The following KIAA1671 variants were observed in gnomAD, a reference collection of about 807,000 sequenced individuals.
KIAA1671 encodes the protein KIAA1671.
In KIAA1671, 52 loss-of-function variants were observed where a neutral mutation model predicts 131.2. The observed-to-expected ratio is 0.40, with a 90% CI of 0.32 to 0.50. The LOEUF is 0.50. Among genes scored for constraint, KIAA1671 ranks in the 20% least tolerant of loss-of-function variants. The pLI is 0.73. For synonymous variants in KIAA1671, 1,003 were observed against 961.6 expected (o/e 1.04, Z -0.80); for missense variants, 2,360 against 2,364.2 (o/e 1.00, Z 0.04).
chr22:25,113,230 C>T (rs1364565826), intron 6 of KIAA1671, among the ~76,000 whole-genome samples: 2 of 152,140 alleles, frequency 1.3e-5, no homozygotes, highest in African/African-American at 2.4e-5. Flanking sequence ...AGCCAGGTCC[C>T]GAACCCCAGG....
At position 25,003,163 on chromosome 22, in the gene KIAA1671, G is replaced by T. The variant is rs202176892; in HGVS notation, c.-207-22470G>T. On this transcript the variant is annotated intron_variant, in intron 1 of 12. Coordinates refer to ENST00000358431, the MANE Select transcript of KIAA1671 (RefSeq NM_001145206.2). ...AACACAGTAAAGGAATCAAGAGAGTGGGCTTCATGGTCTTAGTGTCTCTGA... is the reference window on the plus strand; with the variant it reads ...AACACAGTAAAGGAATCAAGAGAGTTGGCTTCATGGTCTTAGTGTCTCTGA... 5.9e-5 allele frequency among the ~76,000 whole-genome samples: 9 copies of T among 152,190 alleles called. No homozygotes were observed. The East Asian group carries it at 9.6e-4, about 16-fold the overall frequency.
At chr22:25,175,168 C>G (rs1933978911) in intron 8 of KIAA1671, 1 of 152,260 alleles carries the variant, frequency 6.6e-6, no homozygotes, top group Non-Finnish European at 1.5e-5. Flanking sequence ...GGGAGCCCCA[C>G]CTCCAGGGGT....
At chr22:25,148,802 G>GT (rs886984862) in intron 6 of KIAA1671, among the ~76,000 whole-genome samples, 1 of 152,142 alleles carries the variant, frequency 6.6e-6, no homozygotes, top group African/African-American at 2.4e-5. Flanking sequence ...TCTCGCTCCC[G>GT]TAAGTGCTCT....
chr22:25,029,146 C>A lies in KIAA1671; in HGVS notation c.1147C>A (p.Gln383Lys). The change falls in exon 3 of 13, where the codon CAG becomes AAG. Residue 383 changes from glutamine to lysine, a missense_variant. Transcript: ENST00000358431. ...GSSGVTPSND[Q>K]SPWEEKAKLD... ...ATCTGGGGTCACCCCCAGCAATGAC[C>A]AGAGTCCCTGGGAAGAAAAGGCCAA... 6.9e-7 allele frequency: 1 copy of A among 1,456,746 alleles called. No homozygotes were observed. The highest frequency in any genetic ancestry group is 9.1e-7 in the Non-Finnish European group (1 of 1,102,112). The allele number at this position is 1,456,746 out of a possible 1,614,324, so 90.2% of individuals were successfully genotyped here.
At chr22:25,168,055 C>G (rs532698313) in intron 6 of KIAA1671, among the ~76,000 whole-genome samples, 1 of 152,160 alleles carries the variant, frequency 6.6e-6, no homozygotes, top group Non-Finnish European at 1.5e-5. Flanking sequence ...TTCTGCAGGA[C>G]CACATGGACC....
chr22:24,998,798 A>C (rs991677937), intron 1 of KIAA1671, among the ~76,000 whole-genome samples: 10 of 151,484 alleles, frequency 6.6e-5, no homozygotes, highest in African/African-American at 2.4e-4. Flanking sequence ...CTGTAAGTGG[A>C]ACCATCACAA....
intron 6 of KIAA1671, among the ~76,000 whole-genome samples, chr22:25,149,350 G>A (rs1390187648): frequency 6.6e-6 from 1 of 152,174 alleles, no homozygotes; most frequent in Non-Finnish European, 1.5e-5. Context: ...GGCCCCTCAG[G>A]GGACTGAGAC....
chr22:25,179,617 A>G (rs369653553), intron 9 of KIAA1671: 15 of 933,142 alleles, frequency 1.6e-5, no homozygotes, highest in Middle Eastern at 3.1e-4. Flanking sequence ...TGGCACTCCC[A>G]AAAGTGGAAA....
chr22:25,004,043 T>A (rs978204913), intron 1 of KIAA1671, among the ~76,000 whole-genome samples: 12 of 151,690 alleles, frequency 7.9e-5, no homozygotes, highest in Non-Finnish European at 1.3e-4. Context: ...GGTCTCGGAC[T>A]TCTGACCTTG....
chr22:25,171,822 GGA>G (rs1397027489), intron 7 of KIAA1671, among the ~76,000 whole-genome samples: 1 of 152,154 alleles, frequency 6.6e-6, no homozygotes, highest in Non-Finnish European at 1.5e-5. Flanking sequence ...GAGGGAATGG[GGA>G]GTGGCTGCTT....
rs1265795757 is a variant in KIAA1671 at position 25,041,463 on chromosome 22, G to C, written c.4333G>C (p.Glu1445Gln). 204 of 1,551,414 alleles carry C rather than the reference G, an allele frequency of 1.3e-4. No individual in the cohort carries two copies. The highest frequency in any genetic ancestry group is 1.7e-4 in the Non-Finnish European group (197 of 1,146,990). ...CAAAGGGAGGCCCAGCCTTACTGGA[G>C]AGAATTTGGAGGCCAAAATGGGACC... ...QPKGRPSLTG[E>Q]NLEAKMGPCW... Residue 1445 changes from glutamate to glutamine, a missense_variant, in exon 5 of 13, where the codon GAG becomes CAG. Around this residue, in one of 3 missense-constraint regions of KIAA1671, gnomAD observed 1,161 missense variants for 1,204.7 expected, o/e 0.96. Transcript: ENST00000358431.
intron 6 of KIAA1671, among the ~76,000 whole-genome samples, chr22:25,099,760 G>A (rs996015065): frequency 3.3e-5 from 5 of 151,946 alleles, no homozygotes; most frequent in African/African-American, 4.8e-5. Context: ...TGATCCACCC[G>A]CCTCGGCCTC....
intron 1 of KIAA1671, among the ~76,000 whole-genome samples, chr22:24,991,547 C>T (rs1311739926): frequency 6.7e-6 from 1 of 149,060 alleles, no homozygotes; most frequent in Non-Finnish European, 1.5e-5. Context: ...AGCTGTACCT[C>T]TGGGGTTCAA....
rs1205442999 is a variant in KIAA1671, at chr22:25,194,438, C to G, written c.*2037C>G. The G allele has an allele frequency of 6.6e-6, 1 of 152,158 alleles. No homozygotes were observed. Among genetic ancestry groups the G allele is most frequent in the Admixed American group, 6.5e-5 (1 of 15,278 alleles). The allele number at this position is 152,158 out of a possible 1,614,324, so 9.4% of individuals were successfully genotyped here. ...TCTGGGCTGCTGTCTCTCTTTCCTT[C>G]AGGTGGAAAGGACCCCTTGGTACCA... On this transcript the variant is annotated 3_prime_UTR_variant, in exon 13 of 13. Coordinates refer to ENST00000358431, the MANE Select transcript of KIAA1671 (RefSeq NM_001145206.2).
chr22:25,051,894 T>G (rs1482431370), intron 6 of KIAA1671: 2 of 152,292 alleles, frequency 1.3e-5, no homozygotes, highest in East Asian at 1.9e-4. Flanking sequence ...TTCATCTTCA[T>G]TTTTTGAGCC....
chr22:24,958,092 A>G (rs912989325), intron 1 of KIAA1671, among the ~76,000 whole-genome samples: 1 of 151,518 alleles, frequency 6.6e-6, no homozygotes, highest in Non-Finnish European at 1.5e-5. Flanking sequence ...GAGGTCACGC[A>G]GCGGGAAAGT....
intron 11 of KIAA1671, 48 bp from the exon 12 acceptor site, chr22:25,190,654 G>A (rs369376198): frequency 2.0e-6 from 3 of 1,477,924 alleles, no homozygotes; most frequent in African/African-American, 2.8e-5. Flanking sequence ...CCCGCAAGGA[G>A]CCCACAGTCT....
intron 7 of KIAA1671, 76 bp from the exon 8 acceptor site, chr22:25,174,155 GCTGCCTGCA>G (rs1933942540): frequency 1.4e-6 from 2 of 1,431,218 alleles, no homozygotes; most frequent in African/African-American, 2.8e-5. Context: ...CCCAAGCTAT[GCTGCCTGCA>G]GCATCCTTCA....
intron 5 of KIAA1671, among the ~76,000 whole-genome samples, chr22:25,045,064 G>A (rs943706796): frequency 2.5e-4 from 23 of 91,418 alleles, no homozygotes; most frequent in African/African-American, 2.3e-3. Context: ...CGGAGGCTGA[G>A]GCAGGAGAAT....
Sources: allele counts gnomAD v4.1 joint callset (sites outside exome capture counted in the v4.1 genomes callset), GRCh38; gene constraint gnomAD v4.1.1; regional missense constraint gnomAD v4.1.1; transcripts MANE v1.5; gene names NCBI Gene and HGNC (gene_info 2026-07-23, HGNC 2026-07-21).